The following MRPL1 variants were observed in gnomAD, a reference collection of about 807,000 sequenced individuals.
MRPL1 encodes the protein mitochondrial ribosomal protein L1, also known as large ribosomal subunit protein uL1m.
Under a neutral mutation model 38.0 loss-of-function variants are expected in MRPL1, and 28 were observed. The observed-to-expected ratio is 0.74, with a 90% CI of 0.55 to 1.01. The LOEUF is 1.01. Among genes scored for constraint, MRPL1 ranks in the 50% least tolerant of loss-of-function variants. The probability of loss-of-function intolerance (pLI) is 0.00; values close to 1 mark genes in which losing one functional copy is unlikely to be tolerated. For missense variants in MRPL1, 358 were observed against 389.8 expected, an observed-to-expected ratio of 0.92 and a Z score of 0.69; for synonymous variants, 123 against 126.7, an observed-to-expected ratio of 0.97 and a Z score of 0.20.
At chr4:77,864,491 A>G (rs937833361) in intron 1 of MRPL1, 2 of 152,166 alleles carry the variant, frequency 1.3e-5, no homozygotes, top group African/African-American at 2.4e-5. Context: ...TTTACTTATC[A>G]GGAGAAACTT....
At chr4:77,883,583 T>C (rs527674499) in intron 3 of MRPL1, 83 bp downstream of exon 3, 1 of 1,352,398 alleles carries the variant, frequency 7.4e-7, no homozygotes, top group East Asian at 2.4e-5. Flanking sequence ...TTATTGTTAT[T>C]ATTATTTTTG....
At chr4:77,883,151 G>GTT in intron 2 of MRPL1, 91 bp from the exon 3 acceptor site, 4 of 780,978 alleles carry the variant, frequency 5.1e-6, no homozygotes, top group African/African-American at 1.9e-5. Context: ...TTCATCCTTT[G>GTT]TTTTTTTTTC....
intron 7 of MRPL1, among the ~76,000 whole-genome samples, chr4:77,947,484 C>T (rs749425891): frequency 5.3e-5 from 8 of 152,126 alleles, no homozygotes; most frequent in African/African-American, 1.4e-4. Context: ...TGTACCAAAT[C>T]ATATAATGTG....
At chr4:77,906,235 G>T (rs1472231327) in intron 6 of MRPL1, among the ~76,000 whole-genome samples, 1 of 152,192 alleles carries the variant, frequency 6.6e-6, no homozygotes, top group Admixed American at 6.5e-5. Context: ...GAAGAGGACA[G>T]ATTACATTGT....
chr4:77,868,559 G>GT (rs1188638380), intron 1 of MRPL1, among the ~76,000 whole-genome samples: 1 of 152,108 alleles, frequency 6.6e-6, no homozygotes. Context: ...TATTTCTTTA[G>GT]TTAAAATTGT....
chr4:77,890,938 G>C (rs906669820), intron 5 of MRPL1, among the ~76,000 whole-genome samples: 1 of 152,070 alleles, frequency 6.6e-6, no homozygotes, highest in African/African-American at 2.4e-5. Flanking sequence ...TTTTAACTGG[G>C]CTCATCCTTT....
chr4:77,918,171 G>T (rs972127932), intron 7 of MRPL1, among the ~76,000 whole-genome samples: 1 of 152,110 alleles, frequency 6.6e-6, no homozygotes, highest in Non-Finnish European at 1.5e-5. Flanking sequence ...GGTTCTAGGA[G>T]GAGTTCGAAA....
At chr4:77,936,055 G>A (rs1270442533) in intron 7 of MRPL1, among the ~76,000 whole-genome samples, 2 of 152,074 alleles carry the variant, frequency 1.3e-5, no homozygotes, top group African/African-American at 4.8e-5. Flanking sequence ...TGCACATAGT[G>A]AAATATTTAG....
At chr4:77,895,241 G>T (rs1735885597) in intron 6 of MRPL1, among the ~76,000 whole-genome samples, 1 of 152,070 alleles carries the variant, frequency 6.6e-6, no homozygotes. Context: ...ACCAGTTCAG[G>T]TACAATGGCA....
chr4:77,923,084 T>C (rs1736618329), intron 7 of MRPL1, among the ~76,000 whole-genome samples: 1 of 152,166 alleles, frequency 6.6e-6, no homozygotes, highest in Non-Finnish European at 1.5e-5. Flanking sequence ...GGAGCTGATA[T>C]TTTTGTTATT....
At chr4:77,897,264 G>A (rs1479045294) in intron 6 of MRPL1, among the ~76,000 whole-genome samples, 1 of 152,060 alleles carries the variant, frequency 6.6e-6, no homozygotes, top group South Asian at 2.1e-4. Flanking sequence ...ATGTTGGCCA[G>A]GCTGGTCTCG....
Position 77,909,284 on chromosome 4 carries a change from T to A in MRPL1, c.689T>A (p.Ile230Asn). The change falls in exon 7 of 9, where the codon ATC becomes AAC. Residue 230 changes from isoleucine to asparagine, a missense_variant. Coordinates refer to ENST00000315567, the MANE Select transcript of MRPL1 (RefSeq NM_020236.4). ...TAACTAGATTCCATTGGCCGTGACA[T>A]CCCCAAAATGCTTGAATTATTTAAA... is the stretch of plus-strand genomic sequence containing the variant. ...KLSRNSIGRD[I>N]PKMLELFKNG... The A allele has an allele frequency of 6.2e-7, 1 of 1,610,150 alleles. No homozygotes were observed. The highest frequency in any genetic ancestry group is 8.5e-7 in the Non-Finnish European group (1 of 1,178,156).
intron 7 of MRPL1, among the ~76,000 whole-genome samples, chr4:77,939,032 C>A (rs1737057449): frequency 6.6e-6 from 1 of 152,172 alleles, no homozygotes; most frequent in South Asian, 2.1e-4. Flanking sequence ...GCAGTGTACA[C>A]TGTACCCAAA....
chr4:77,943,224 G>A (rs944952142), intron 7 of MRPL1, among the ~76,000 whole-genome samples: 1 of 151,956 alleles, frequency 6.6e-6, no homozygotes, highest in African/African-American at 2.4e-5. Context: ...CTTCTAGCTT[G>A]TAGGGTTTCT....
intron 2 of MRPL1, among the ~76,000 whole-genome samples, chr4:77,877,886 G>A (rs913683833): frequency 2.0e-5 from 3 of 150,958 alleles, no homozygotes; most frequent in Admixed American, 1.3e-4. Flanking sequence ...GCCTTTTCCT[G>A]TGTGCCTGCA....
intron 2 of MRPL1, among the ~76,000 whole-genome samples, chr4:77,873,218 CACA>C (rs1735322907): frequency 6.6e-6 from 1 of 152,184 alleles, no homozygotes; most frequent in African/African-American, 2.4e-5. Flanking sequence ...TTTTAAATTT[CACA>C]ACACTCTGTG....
chr4:77,866,995 C>T (rs938529921), intron 1 of MRPL1, among the ~76,000 whole-genome samples: 6 of 152,126 alleles, frequency 3.9e-5, no homozygotes, highest in African/African-American at 1.4e-4. Context: ...ATCCTCCCAC[C>T]TCGGCCTCCC....
chr4:77,946,434 C>T lies in MRPL1; in HGVS notation c.778-3363C>T, dbSNP rs145493551. 1.1e-3 allele frequency among the ~76,000 whole-genome samples: 166 copies of T among 152,130 alleles called. 1 individual carries two copies. Among genetic ancestry groups the T allele is most frequent in the African/African-American group, 3.7e-3 (153 of 41,492 alleles). On this transcript the variant is annotated intron_variant, in intron 7 of 8. Transcript: ENST00000315567. The stretch of plus-strand genomic sequence containing the variant: ...ATCACAGTGGTCCTGAGGTGACTGA[C>T]GTACATCCTCAGCTTATGAAGATAA...
chr4:77,940,129 T>C (rs768845366), intron 7 of MRPL1, among the ~76,000 whole-genome samples: 5 of 152,134 alleles, frequency 3.3e-5, no homozygotes, highest in Non-Finnish European at 7.4e-5. Flanking sequence ...ATATTGCTTT[T>C]GACAGTATGG....
Sources: gnomAD v4.1 joint callset for allele counts (sites outside exome capture counted in the v4.1 genomes callset) on GRCh38, gnomAD v4.1.1 for gene constraint, MANE v1.5 for transcripts, NCBI Gene and HGNC (gene_info 2026-07-23, HGNC 2026-07-21) for gene names.